ZNF317: variants seen among roughly 807,000 people sequenced by gnomAD.
ZNF317 encodes KRAB-containing zinc finger protein 317.
Under a neutral mutation model 23.4 loss-of-function variants are expected in ZNF317, and 17 were observed. That is an observed-to-expected ratio of 0.73 (90% confidence interval 0.50 to 1.09). The LOEUF is 1.09. Among genes scored for constraint, ZNF317 ranks in the 50% least tolerant of loss-of-function variants. ZNF317 has a pLI of 0.00. For missense variants in ZNF317, 679 were observed against 796.7 expected (o/e 0.85, Z 1.78); for synonymous variants, 317 against 314.9 (o/e 1.01, Z -0.07).
rs373468822 is a variant in ZNF317, at chr19:9,140,551, G to T, written c.-134G>T. 7.2e-5 allele frequency: 33 copies of T among 456,556 alleles called. 1 individual carries two copies. Among genetic ancestry groups the T allele is most frequent in the Admixed American group, 4.0e-4 (17 of 42,568 alleles). The allele number at this position is 456,556 out of a possible 1,614,324, so 28.3% of individuals were successfully genotyped here. A position where few individuals can be genotyped will look rare whatever the true frequency, so the allele number is the denominator to read the frequency against. ...ATGAACTTCTCTTCGCATCGGCGGC[G>T]GCTTCCGTCACCTCCGCTCCCCCGA... On this transcript the variant is annotated 5_prime_UTR_variant, in exon 1 of 7. Coordinates refer to ENST00000247956, the MANE Select transcript of ZNF317 (RefSeq NM_020933.5).
chr19:9,144,461 GCTT>G (rs763136236), intron 1 of ZNF317, among the ~76,000 whole-genome samples: 4 of 150,030 alleles, frequency 2.7e-5, no homozygotes, highest in Admixed American at 6.6e-5. Context: ...TTTTTCTCTA[GCTT>G]CTTTTGTGTA....
At chr19:9,153,996 A>C (rs1568313137) in intron 1 of ZNF317, among the ~76,000 whole-genome samples, 1 of 152,150 alleles carries the variant, frequency 6.6e-6, no homozygotes, top group Non-Finnish European at 1.5e-5. Flanking sequence ...GCATGTGTCC[A>C]TGCATAGGAA....
intron 1 of ZNF317, among the ~76,000 whole-genome samples, chr19:9,141,081 T>C (rs1207420817): frequency 6.6e-6 from 1 of 152,036 alleles, no homozygotes; most frequent in Admixed American, 6.5e-5. Flanking sequence ...TTTAGTGGAC[T>C]CTTGTAAATA....
rs141873513 is a variant in ZNF317 at position 9,163,174 on chromosome 19, C to T, written c.*1741C>T. ...TGGGGATCGTTCTTAAACATGAATTCCTCCCTGTATGTTTTGTTCTTTGCT... is the reference window on the plus strand; with the variant it reads ...TGGGGATCGTTCTTAAACATGAATTTCTCCCTGTATGTTTTGTTCTTTGCT... On this transcript the variant is annotated 3_prime_UTR_variant, in exon 7 of 7. Coordinates refer to ENST00000247956, the MANE Select transcript of ZNF317 (RefSeq NM_020933.5). 4.4e-4 allele frequency: 67 copies of T among 152,280 alleles called. No individual in the cohort carries two copies. Among genetic ancestry groups the T allele is most frequent in the African/African-American group, 1.6e-3 (65 of 41,546 alleles). 9.4% of individuals were successfully genotyped at this position (152,280 alleles called of 1,614,324 possible).
chr19:9,150,822 G>T (rs2050730032), intron 1 of ZNF317, among the ~76,000 whole-genome samples: 1 of 152,182 alleles, frequency 6.6e-6, no homozygotes, highest in Admixed American at 6.5e-5. Flanking sequence ...AGGTGACATA[G>T]GTCACTTTGA....
At chr19:9,143,686 T>C (rs972144528) in intron 1 of ZNF317, among the ~76,000 whole-genome samples, 10 of 151,650 alleles carry the variant, frequency 6.6e-5, no homozygotes, top group Admixed American at 6.6e-4. Context: ...CTGCTTAAAC[T>C]GGATTTGTGA....
Position 9,155,937 on chromosome 19 carries a change from A to C in ZNF317, c.-80A>C. 6.4e-7 allele frequency: 1 copy of C among 1,559,586 alleles called. No individual in the cohort carries two copies. Among genetic ancestry groups the C allele is most frequent in the South Asian group, 1.1e-5 (1 of 89,948 alleles). ...TCATTTGCTACAGATGCCAGCTTGG[A>C]GAGTCACGTGAGAGCAAGAGAGTAG... is the stretch of plus-strand genomic sequence containing the variant. On this transcript the variant is annotated 5_prime_UTR_variant, in exon 2 of 7. Coordinates refer to ENST00000247956, the MANE Select transcript of ZNF317 (RefSeq NM_020933.5).
chr19:9,142,543 G>C (rs2050642267), intron 1 of ZNF317, among the ~76,000 whole-genome samples: 1 of 88,066 alleles, frequency 1.1e-5, no homozygotes. Flanking sequence ...TTTAACAAGT[G>C]ATTTTTTTTT....
chr19:9,156,694 G>A lies in ZNF317; in HGVS notation c.108G>A (p.Leu36=). The change falls in exon 3 of 7, where the codon TTG becomes TTA. Residue 36 remains leucine, a synonymous_variant. Coordinates refer to ENST00000247956, the MANE Select transcript of ZNF317 (RefSeq NM_020933.5). The part of the protein sequence containing the change: ...SSKDHSCPQN[L]DLFVCSGLEP... ...AAGACCATTCCTGTCCCCAGAATTT[G>A]GACCTGTTCGTGTGCAGTGGTCTGG... The A allele has an allele frequency of 6.2e-7, 1 of 1,614,162 alleles. No individual in the cohort carries two copies. The highest frequency in any genetic ancestry group is 1.3e-5 in the African/African-American group (1 of 75,038).
chr19:9,156,955 C>A, intron 3 of ZNF317: 1 of 705,702 alleles, frequency 1.4e-6, no homozygotes, highest in African/African-American at 1.8e-5. Context: ...CTCATGCTTG[C>A]AAAATCTCAG....
intron 1 of ZNF317, among the ~76,000 whole-genome samples, chr19:9,154,270 A>T (rs1246375433): frequency 3.9e-5 from 6 of 152,196 alleles, no homozygotes; most frequent in African/African-American, 1.4e-4. Flanking sequence ...AAGAAAATGC[A>T]TAGGTCTTAC....
chr19:9,150,314 A>G (rs1034838625), intron 1 of ZNF317, among the ~76,000 whole-genome samples: 1 of 152,168 alleles, frequency 6.6e-6, no homozygotes, highest in African/African-American at 2.4e-5. Flanking sequence ...TTTAGAGTGA[A>G]TGTTTGTTTA....
At chr19:9,153,198 C>G (rs1472547958) in intron 1 of ZNF317, among the ~76,000 whole-genome samples, 2 of 152,062 alleles carry the variant, frequency 1.3e-5, no homozygotes, top group East Asian at 3.9e-4. Context: ...GTCTCGCTCT[C>G]TCACCCAGGC....
Position 9,157,256 on chromosome 19 carries a change from G to A in ZNF317, c.163-12G>A, listed in dbSNP as rs1462695468. Reference sequence around the variant, plus strand: ...GGTTCCTCGCTGACCCCAAGTTTGTGTGGCGTTCCAGGAATCGGTGACTTT... The same window carrying A: ...GGTTCCTCGCTGACCCCAAGTTTGTATGGCGTTCCAGGAATCGGTGACTTT... On this transcript the variant is annotated splice_polypyrimidine_tract_variant and intron_variant, in intron 3 of 6. Coordinates refer to ENST00000247956, the MANE Select transcript of ZNF317 (RefSeq NM_020933.5). 4 of 1,613,384 alleles carry A rather than the reference G, an allele frequency of 2.5e-6. No individual in the cohort carries two copies. In the South Asian group the frequency reaches 4.4e-5, roughly 18 times the overall value.
At chr19:9,150,235 A>T (rs1292367712) in intron 1 of ZNF317, among the ~76,000 whole-genome samples, 1 of 152,238 alleles carries the variant, frequency 6.6e-6, no homozygotes, top group Non-Finnish European at 1.5e-5. Context: ...GGCACCCACT[A>T]TAAATGAACA....
At chr19:9,146,197 T>G (rs772617941) in intron 1 of ZNF317, among the ~76,000 whole-genome samples, 1 of 151,900 alleles carries the variant, frequency 6.6e-6, no homozygotes, top group Non-Finnish European at 1.5e-5. Flanking sequence ...GAAATAGTTA[T>G]GCATGGAAGG....
chr19:9,148,686 A>G (rs1212424019), intron 1 of ZNF317, among the ~76,000 whole-genome samples: 1 of 132,574 alleles, frequency 7.5e-6, no homozygotes, highest in Non-Finnish European at 1.7e-5. Flanking sequence ...TGAATGAAAT[A>G]TCATCAAAGT....
At position 9,140,483 on chromosome 19, in the gene ZNF317, G is replaced by T. The variant is rs530349595; in HGVS notation, c.-202G>T. On this transcript the variant is annotated 5_prime_UTR_variant, in exon 1 of 7. Coordinates refer to ENST00000247956, the MANE Select transcript of ZNF317 (RefSeq NM_020933.5). ...GGTCAGCGGCGAATTCTTTCGGCCT[G>T]TTGGGGACCCCTCGTGTCCCCACGC... The T allele has an allele frequency of 1.1e-5, 5 of 456,218 alleles. No individual in the cohort carries two copies. Among genetic ancestry groups the T allele is most frequent in the Admixed American group, 9.4e-5 (4 of 42,516 alleles). The allele number at this position is 456,218 out of a possible 1,614,324, so 28.3% of individuals were successfully genotyped here. A position where few individuals can be genotyped will look rare whatever the true frequency, so the allele number is the denominator to read the frequency against.
At position 9,147,330 on chromosome 19, in the gene ZNF317, G is replaced by GTTTTTTTTTTTTT. The variant is rs35259257; in HGVS notation, c.-93+6753_-93+6765dup. Among the ~76,000 whole-genome samples the GTTTTTTTTTTTTT allele has an allele frequency of 3.1e-4, 34 of 110,158 alleles. 1 individual carries two copies. The highest frequency in any genetic ancestry group is 1.3e-3 in the African/African-American group (33 of 25,602). The allele number at this position is 110,158 out of a possible 152,430, so 72.3% of individuals were successfully genotyped here. A position where few individuals can be genotyped will look rare whatever the true frequency, so the allele number is the denominator to read the frequency against. On this transcript the variant is annotated intron_variant, in intron 1 of 6. Transcript: ENST00000247956. Reference sequence around the variant, plus strand: ...TGGTGACAGCATTCCAATGACACTGGTTTTTTTTTTTTTTTTTTTTTTTTT... The same window carrying GTTTTTTTTTTTTT: ...TGGTGACAGCATTCCAATGACACTGGTTTTTTTTTTTTTTTTTTTTTTTTTTTTTTTTTTTTTT...
Sources: gnomAD v4.1 joint callset for allele counts (sites outside exome capture counted in the v4.1 genomes callset) on GRCh38, gnomAD v4.1.1 for gene constraint, MANE v1.5 for transcripts, NCBI Gene and HGNC (gene_info 2026-07-23, HGNC 2026-07-21) for gene names.